JARID2: variants seen among roughly 807,000 people sequenced by gnomAD.
JARID2 encodes protein Jumonji.
JARID2 carries 21 observed loss-of-function variants against 125.6 expected under a neutral mutation model. The ratio of observed to expected loss-of-function variants is 0.17; its 90% CI spans 0.12 to 0.24. The LOEUF is 0.24. Among genes scored for constraint, JARID2 ranks in the 10% least tolerant of loss-of-function variants. The pLI, the probability that JARID2 is intolerant of heterozygous loss-of-function variation, is 1.00. For missense variants in JARID2, 1,303 were observed against 1,639.6 expected (o/e 0.79, Z 3.55); for synonymous variants, 736 against 661.6 (o/e 1.11, Z -1.73).
intron 2 of JARID2, among the ~76,000 whole-genome samples, chr6:15,383,943 C>T (rs779810071): frequency 5.3e-5 from 8 of 152,068 alleles, no homozygotes; most frequent in East Asian, 1.9e-4. Context: ...TACAGGCATG[C>T]GCCAAGACGC....
At chr6:15,355,354 T>C (rs2127487395) in intron 1 of JARID2, among the ~76,000 whole-genome samples, 1 of 152,360 alleles carries the variant, frequency 6.6e-6, no homozygotes, top group African/African-American at 2.4e-5. Flanking sequence ...AAAGTGATTA[T>C]GATTTTGTTT....
intron 12 of JARID2, among the ~76,000 whole-genome samples, chr6:15,509,758 TC>T (rs1290159991): frequency 1.3e-5 from 2 of 152,208 alleles, no homozygotes; most frequent in African/African-American, 4.8e-5. Context: ...CCGAGTTTCT[TC>T]CGTGTGGGTT....
At chr6:15,397,158 T>C (rs1290100877) in intron 2 of JARID2, among the ~76,000 whole-genome samples, 1 of 152,222 alleles carries the variant, frequency 6.6e-6, no homozygotes, top group African/African-American at 2.4e-5. Context: ...ATTATTACTA[T>C]ACTGCTGTCA....
chr6:15,422,652 CTG>C (rs2127589932), intron 3 of JARID2, among the ~76,000 whole-genome samples: 1 of 152,340 alleles, frequency 6.6e-6, no homozygotes, highest in Admixed American at 6.5e-5. Flanking sequence ...AAGATGGTGG[CTG>C]TGTCTCCCCA....
intron 3 of JARID2, among the ~76,000 whole-genome samples, chr6:15,443,968 T>A (rs1767555161): frequency 6.6e-6 from 1 of 152,238 alleles, no homozygotes; most frequent in Non-Finnish European, 1.5e-5. Context: ...AAATTCCGGC[T>A]ATGGCAAATG....
At chr6:15,251,671 A>C (rs778276229) in intron 1 of JARID2, among the ~76,000 whole-genome samples, 1 of 152,150 alleles carries the variant, frequency 6.6e-6, no homozygotes. Context: ...ACAGTTAAGT[A>C]TTATGTCAAC....
intron 5 of JARID2, among the ~76,000 whole-genome samples, chr6:15,472,819 T>C (rs1581613556): frequency 6.6e-6 from 1 of 152,256 alleles, no homozygotes; most frequent in East Asian, 1.9e-4. Flanking sequence ...ACTCACTTCC[T>C]GGGCATGTCC....
chr6:15,452,327 G>A lies in JARID2; in HGVS notation c.493+152G>A, dbSNP rs114976318. ...GGAATTGAAAGTGAGAAATCCCACC[G>A]AGAGAGTGTGTGCTGGGTGTGGCTT... On this transcript the variant is annotated intron_variant, in intron 4 of 17. Transcript: ENST00000341776. The A allele has an allele frequency of 9.2e-4, 1,079 of 1,176,710 alleles. 8 individuals carry two copies. The African/African-American group carries it at 0.015, about 16-fold the overall frequency. The allele number at this position is 1,176,710 out of a possible 1,614,324, so 72.9% of individuals were successfully genotyped here.
intron 3 of JARID2, among the ~76,000 whole-genome samples, chr6:15,417,751 C>G (rs966881492): frequency 6.6e-6 from 1 of 151,932 alleles, no homozygotes; most frequent in Non-Finnish European, 1.5e-5. Flanking sequence ...CAAAAAAAAA[C>G]TAAATAAGCG....
intron 2 of JARID2, among the ~76,000 whole-genome samples, chr6:15,406,430 C>T (rs545493636): frequency 3.1e-4 from 47 of 152,294 alleles, no homozygotes; most frequent in Non-Finnish European, 6.8e-4. Context: ...GAGACTCTGT[C>T]TCAAGGTCGG....
intron 1 of JARID2, among the ~76,000 whole-genome samples, chr6:15,323,181 T>C (rs144341560): frequency 9.0e-4 from 137 of 152,396 alleles, no homozygotes; most frequent in Non-Finnish European, 1.6e-3. Context: ...GGGCTTTTGC[T>C]TGCCAGGCAG....
At chr6:15,380,294 C>G (rs1165686199) in intron 2 of JARID2, among the ~76,000 whole-genome samples, 1 of 152,098 alleles carries the variant, frequency 6.6e-6, no homozygotes, top group African/African-American at 2.4e-5. Flanking sequence ...GTCGGCTTCC[C>G]CAAGTGCTGA....
chr6:15,468,483 T>G (rs1473934491), intron 4 of JARID2, 59 bp from the exon 5 acceptor site: 1 of 1,445,716 alleles, frequency 6.9e-7, no homozygotes, highest in African/African-American at 1.6e-5. Context: ...GTGGTGTTCC[T>G]TCTGGAAAGG....
At chr6:15,441,654 G>T (rs555967400) in intron 3 of JARID2, among the ~76,000 whole-genome samples, 1 of 152,086 alleles carries the variant, frequency 6.6e-6, no homozygotes, top group African/African-American at 2.4e-5. Flanking sequence ...TTTGTGCTTT[G>T]GTCTGTCGTG....
chr6:15,487,517 G>A lies in JARID2; in HGVS notation c.881G>A (p.Arg294Gln), dbSNP rs773374579. ...ACCCATCACCACCCCCCTCTGCATC[G>A]GTCGGCTCAGGACTTACGGAAACAG... Reference protein sequence around the residue: ...AATHHHPPLHRSAQDLRKQVS... With the variant: ...AATHHHPPLHQSAQDLRKQVS... The change falls in exon 6 of 18, where the codon CGG becomes CAG. Residue 294 changes from arginine (R) to glutamine (Q), a missense_variant. Coordinates refer to ENST00000341776, the MANE Select transcript of JARID2 (RefSeq NM_004973.4). 10 of 1,613,144 alleles carry A rather than the reference G, an allele frequency of 6.2e-6. No homozygotes were observed. The highest frequency in any genetic ancestry group is 2.7e-5 in the African/African-American group (2 of 74,898).
chr6:15,403,943 G>T (rs1430002571), intron 2 of JARID2, among the ~76,000 whole-genome samples: 8 of 152,136 alleles, frequency 5.3e-5, no homozygotes. Context: ...TTTCTTGACC[G>T]GAATGGGAAA....
At position 15,274,724 on chromosome 6, in the gene JARID2, A is replaced by T. The variant is rs75114439; in HGVS notation, c.45+28140A>T. ...ATTCTGGGTTTTTTTGTTGGTGGTG[A>T]TCCTGGGCACCTTCAGTCTTTGGTT... On this transcript the variant is annotated intron_variant, in intron 1 of 17. Transcript: ENST00000341776. Among the ~76,000 whole-genome samples, 774 of 152,126 alleles carry T rather than the reference A, an allele frequency of 5.1e-3. 14 individuals are homozygous for T. The highest frequency in any genetic ancestry group is 0.037 in the Admixed American group (572 of 15,262).
At chr6:15,478,960 C>T (rs757755525) in intron 5 of JARID2, among the ~76,000 whole-genome samples, 6 of 152,248 alleles carry the variant, frequency 3.9e-5, no homozygotes, top group Middle Eastern at 3.4e-3. Context: ...CCACCGTGCC[C>T]GGCCGGATTT....
chr6:15,332,720 A>G (rs540292812), intron 1 of JARID2, among the ~76,000 whole-genome samples: 6 of 152,138 alleles, frequency 3.9e-5, no homozygotes, highest in Non-Finnish European at 8.8e-5. Context: ...TCACTTGTCT[A>G]GATCCTGCAG....
Sources: gnomAD v4.1 joint callset for allele counts (sites outside exome capture counted in the v4.1 genomes callset) on GRCh38, gnomAD v4.1.1 for gene constraint, MANE v1.5 for transcripts, NCBI Gene and HGNC (gene_info 2026-07-23, HGNC 2026-07-21) for gene names.